MSH3: variants seen among roughly 807,000 people sequenced by gnomAD.
MSH3 encodes DNA mismatch repair protein Msh3.
In MSH3, 106 loss-of-function variants were observed where a neutral mutation model predicts 123.3. The observed-to-expected ratio is 0.86, with a 90% CI of 0.73 to 1.01. The LOEUF (loss-of-function observed/expected upper bound fraction) is 1.01, where lower values mean the gene tolerates loss of function less well. Among genes scored for constraint, MSH3 ranks in the 50% least tolerant of loss-of-function variants. The probability of loss-of-function intolerance (pLI) is 0.00; values close to 1 mark genes in which losing one functional copy is unlikely to be tolerated. For synonymous variants in MSH3, 515 were observed against 481.4 expected (o/e 1.07, Z -0.91); for missense variants, 1,459 against 1,347.6 (o/e 1.08, Z -1.29).
chr5:80,863,191 A>G (rs972375696), intron 21 of MSH3, among the ~76,000 whole-genome samples: 3 of 152,222 alleles, frequency 2.0e-5, no homozygotes, highest in Non-Finnish European at 4.4e-5. Flanking sequence ...TATTCCTGGT[A>G]TCGACGAAAA....
chr5:80,813,993 T>C (rs1166074113), intron 20 of MSH3, among the ~76,000 whole-genome samples: 2 of 151,902 alleles, frequency 1.3e-5, no homozygotes, highest in African/African-American at 4.8e-5. Context: ...AAACCCCATC[T>C]TGACAAAAAA....
Position 80,853,984 on chromosome 5 carries a change from C to T in MSH3, c.2814-146C>T, listed in dbSNP as rs1745872933. On this transcript the variant is annotated intron_variant, in intron 20 of 23. Coordinates refer to ENST00000265081, the MANE Select transcript of MSH3 (RefSeq NM_002439.5). ...ACACTCTTTACATCCAACATGTTTT[C>T]TTTTGTTTAATTTAATTTGAGCTAT... 3 of 680,230 alleles carry T rather than the reference C, an allele frequency of 4.4e-6. No homozygotes were observed. The South Asian group carries it at 5.7e-5, about 13-fold the overall frequency. The allele number at this position is 680,230 out of a possible 1,614,324, so 42.1% of individuals were successfully genotyped here.
At chr5:80,785,937 A>G (rs1215830894) in intron 17 of MSH3, among the ~76,000 whole-genome samples, 1 of 151,018 alleles carries the variant, frequency 6.6e-6, no homozygotes, top group Non-Finnish European at 1.5e-5. Context: ...TGGGAATTGA[A>G]CAATGAGAAC....
At chr5:80,674,459 G>A (rs943434254) in intron 6 of MSH3, among the ~76,000 whole-genome samples, 2 of 152,144 alleles carry the variant, frequency 1.3e-5, no homozygotes, top group African/African-American at 2.4e-5. Flanking sequence ...ACTTTGAATT[G>A]TGGAATTAAA....
intron 10 of MSH3, among the ~76,000 whole-genome samples, chr5:80,739,496 G>A (rs1003991666): frequency 1.3e-5 from 2 of 152,346 alleles, no homozygotes; most frequent in East Asian, 3.9e-4. Context: ...TGTCTGCTAA[G>A]CTGTACAGGT....
intron 12 of MSH3, among the ~76,000 whole-genome samples, chr5:80,759,876 C>T (rs1354142619): frequency 6.6e-6 from 1 of 152,202 alleles, no homozygotes; most frequent in Non-Finnish European, 1.5e-5. Flanking sequence ...CTCTGTCTTG[C>T]TCTCCTGCAT....
chr5:80,654,995 T>G, intron 1 of MSH3, 31 bp downstream of exon 1: 23 of 1,251,920 alleles, frequency 1.8e-5, no homozygotes, highest in Admixed American at 3.2e-5. Flanking sequence ...GGCAGGGCCA[T>G]CGGGGCTGGG....
intron 20 of MSH3, among the ~76,000 whole-genome samples, chr5:80,836,137 A>G (rs1002676301): frequency 6.6e-6 from 1 of 152,208 alleles, no homozygotes; most frequent in African/African-American, 2.4e-5. Flanking sequence ...ATCGTAATCT[A>G]TATGGAAGCA....
At chr5:80,766,275 T>C (rs1175066295) in intron 13 of MSH3, among the ~76,000 whole-genome samples, 1 of 151,908 alleles carries the variant, frequency 6.6e-6, no homozygotes. Context: ...TTACTGTTTA[T>C]TTGTTTACTT....
intron 8 of MSH3, among the ~76,000 whole-genome samples, chr5:80,684,237 G>A (rs1202938290): frequency 6.6e-6 from 1 of 152,126 alleles, no homozygotes; most frequent in East Asian, 1.9e-4. Context: ...CTGATATTTT[G>A]ATAGGGATTG....
chr5:80,741,477 C>G lies in MSH3; in HGVS notation c.1582C>G (p.Leu528Val), dbSNP rs1470261317. Residue 528 changes from leucine (L) to valine (V), a missense_variant, in exon 11 of 24, where the codon CTA (leucine) becomes GTA (valine). By Grantham distance (32) the Leu-to-Val change is conservative. Coordinates refer to ENST00000265081, the MANE Select transcript of MSH3 (RefSeq NM_002439.5). ...ATTCTTTTACAGGAATTTTAAACAG[C>G]TATCAAGTAAAATGGAATTTATGAC... is the stretch of plus-strand genomic sequence containing the variant. ...MLSKPENFKQ[L>V]SSKMEFMTIN... 6.3e-7 allele frequency: 1 copy of G among 1,584,598 alleles called. No individual in the cohort carries two copies. The highest frequency in any genetic ancestry group is 8.7e-7 in the Non-Finnish European group (1 of 1,153,182).
At chr5:80,752,936 G>A (rs1250087198) in intron 12 of MSH3, among the ~76,000 whole-genome samples, 3 of 152,058 alleles carry the variant, frequency 2.0e-5, no homozygotes, top group African/African-American at 4.8e-5. Flanking sequence ...ATCCTGTTTA[G>A]GGGTTCAAAC....
At chr5:80,765,901 A>G (rs891439279) in intron 13 of MSH3, among the ~76,000 whole-genome samples, 2 of 152,048 alleles carry the variant, frequency 1.3e-5, no homozygotes, top group African/African-American at 4.8e-5. Context: ...TGTTGTTGTT[A>G]TTATTGTTAC....
intron 20 of MSH3, among the ~76,000 whole-genome samples, chr5:80,824,552 C>T (rs1260719280): frequency 6.6e-6 from 1 of 152,202 alleles, no homozygotes; most frequent in Non-Finnish European, 1.5e-5. Flanking sequence ...TGTGGAAGCA[C>T]TTCCTCAAGC....
intron 8 of MSH3, among the ~76,000 whole-genome samples, chr5:80,691,791 T>C (rs374167584): frequency 3.3e-5 from 4 of 121,252 alleles, no homozygotes; most frequent in East Asian, 3.5e-4. Context: ...GTTTATATAT[T>C]TATATAAATA....
In MSH3 at chr5:80,740,362, T is replaced by C. The variant is rs77848706; in HGVS notation, c.1569-1102T>C. On this transcript the variant is annotated intron_variant, in intron 10 of 23. Coordinates refer to ENST00000265081, the MANE Select transcript of MSH3 (RefSeq NM_002439.5). ...AATGTGTGTTTTTTTTCTTTTCTCT[T>C]TTTTTTTTTTTTGGAGACGGAGTCA... Among the ~76,000 whole-genome samples the C allele has an allele frequency of 1.1e-4, 16 of 147,584 alleles. No homozygotes were observed. In the East Asian group the frequency reaches 2.0e-3, roughly 18 times the overall value.
At chr5:80,780,635 G>A (rs1334305055) in intron 17 of MSH3, among the ~76,000 whole-genome samples, 1 of 152,200 alleles carries the variant, frequency 6.6e-6, no homozygotes, top group Admixed American at 6.5e-5. Flanking sequence ...GGGAGGCTGA[G>A]GTGGGCAGAT....
At chr5:80,776,537 A>G (rs752976116) in intron 16 of MSH3, among the ~76,000 whole-genome samples, 57 of 151,980 alleles carry the variant, frequency 3.8e-4, no homozygotes, top group Non-Finnish European at 6.9e-4. Flanking sequence ...TTTGTAACCC[A>G]GATCATGAAT....
intron 10 of MSH3, among the ~76,000 whole-genome samples, chr5:80,729,430 A>AATGTGTGTGTGTG (rs1491210653): frequency 1.3e-5 from 1 of 78,374 alleles, no homozygotes; most frequent in Non-Finnish European, 2.3e-5. Context: ...AAAAAAAAAA[A>AATGTGTGTGTGTG]TGTGTGTGTG....
Sources: gnomAD v4.1 joint callset for allele counts (sites outside exome capture counted in the v4.1 genomes callset) on GRCh38, gnomAD v4.1.1 for gene constraint, MANE v1.5 for transcripts, NCBI Gene and HGNC (gene_info 2026-07-23, HGNC 2026-07-21) for gene names.